MYCBP2: variants seen among roughly 807,000 people sequenced by gnomAD.
The protein encoded by MYCBP2 is E3 ubiquitin-protein ligase MYCBP2.
In MYCBP2, 120 loss-of-function variants were observed where a neutral mutation model predicts 525.3. The ratio of observed to expected loss-of-function variants is 0.23; its 90% CI spans 0.20 to 0.27. The LOEUF is 0.27. Among genes scored for constraint, MYCBP2 ranks in the 10% least tolerant of loss-of-function variants. The pLI, the probability that MYCBP2 is intolerant of heterozygous loss-of-function variation, is 1.00. For synonymous variants in MYCBP2, 1,894 were observed against 1,955.8 expected, an observed-to-expected ratio of 0.97 and a Z score of 0.83; for missense variants, 4,149 against 5,657.1, an observed-to-expected ratio of 0.73 and a Z score of 8.55.
At chr13:77,283,640 T>C (rs2076426058) in intron 3 of MYCBP2, among the ~76,000 whole-genome samples, 1 of 152,164 alleles carries the variant, frequency 6.6e-6, no homozygotes, top group South Asian at 2.1e-4. Context: ...CTCCTGCCTG[T>C]AATCCCAGTA....
chr13:77,116,673 T>A (rs2049838614), intron 55 of MYCBP2, among the ~76,000 whole-genome samples: 1 of 152,000 alleles, frequency 6.6e-6, no homozygotes, highest in South Asian at 2.1e-4. Flanking sequence ...AAGCCATGAT[T>A]TCAAATTTGC....
At chr13:77,087,724 CAAAG>C in intron 61 of MYCBP2, 91 bp from the exon 62 acceptor site, 1 of 1,070,948 alleles carries the variant, frequency 9.3e-7, no homozygotes, top group South Asian at 1.9e-5. Flanking sequence ...ATTAAGACTT[CAAAG>C]AAAGATACTA....
chr13:77,273,239 C>A (rs1365222100), intron 5 of MYCBP2, among the ~76,000 whole-genome samples: 1 of 152,128 alleles, frequency 6.6e-6, no homozygotes, highest in African/African-American at 2.4e-5. Flanking sequence ...AAGGCAAAGA[C>A]CAGCTTAAAG....
intron 26 of MYCBP2, among the ~76,000 whole-genome samples, chr13:77,198,013 G>A (rs1039835192): frequency 1.3e-4 from 19 of 151,858 alleles, no homozygotes; most frequent in African/African-American, 4.1e-4. Context: ...TCACTATTCC[G>A]AAAAGAAAAA....
At chr13:77,250,023 A>G (rs1166451577) in intron 15 of MYCBP2, among the ~76,000 whole-genome samples, 1 of 152,014 alleles carries the variant, frequency 6.6e-6, no homozygotes, top group Non-Finnish European at 1.5e-5. Flanking sequence ...GGAGATCGAG[A>G]CCATCCCGGC....
chr13:77,206,537 CATT>C, intron 24 of MYCBP2, 113 bp downstream of exon 24: 2 of 993,564 alleles, frequency 2.0e-6, no homozygotes, highest in Non-Finnish European at 2.8e-6. Context: ...TTATTTTGTA[CATT>C]ATTATTATTT....
intron 18 of MYCBP2, among the ~76,000 whole-genome samples, chr13:77,230,953 G>A (rs935259113): frequency 1.3e-5 from 2 of 152,152 alleles, no homozygotes; most frequent in Non-Finnish European, 2.9e-5. Context: ...TCAACATGTC[G>A]TAAAAGTAAA....
rs2075894473 is a variant in MYCBP2, at chr13:77,278,819, C to T, written c.687G>A (p.Leu229=). Residue 229 remains leucine, a synonymous_variant, in exon 4 of 83, where the codon CTG becomes CTA. Coordinates refer to ENST00000544440, the MANE Select transcript of MYCBP2 (RefSeq NM_015057.5). The part of the protein sequence containing the change: ...PSLCLRSLQA[L]LNVLQGQQPE... ...GCTGCTGGCCCTGCAGCACGTTGAG[C>T]AGGGCTTGGAGACTCCTGAGACACA... 1.3e-6 allele frequency: 2 copies of T among 1,599,286 alleles called. No homozygotes were observed. Among genetic ancestry groups the T allele is most frequent in the Non-Finnish European group, 8.5e-7 (1 of 1,173,108 alleles).
At chr13:77,065,933 C>G in intron 72 of MYCBP2, 59 bp downstream of exon 72, 1 of 1,228,894 alleles carries the variant, frequency 8.1e-7, no homozygotes, top group Non-Finnish European at 1.2e-6. Context: ...GCAGAGTAAG[C>G]TGTTTTGTGT....
chr13:77,186,475 TAG>T (rs1229104722), intron 30 of MYCBP2, among the ~76,000 whole-genome samples: 5 of 152,154 alleles, frequency 3.3e-5, no homozygotes, highest in Non-Finnish European at 5.9e-5. Flanking sequence ...AAAAATAAAA[TAG>T]AGTTTTAGTG....
chr13:77,056,102 GTGTGTGT>G (rs1566301713), intron 79 of MYCBP2, among the ~76,000 whole-genome samples: 606 of 50,984 alleles, frequency 0.012, 4 homozygotes, highest in African/African-American at 0.032. Flanking sequence ...TGTGTTTGGT[GTGTGTGT>G]GTGTGTGTGT....
At chr13:77,147,306 A>T (rs1047935349) in intron 47 of MYCBP2, among the ~76,000 whole-genome samples, 1 of 152,092 alleles carries the variant, frequency 6.6e-6, no homozygotes, top group Non-Finnish European at 1.5e-5. Context: ...GCAGGCTTCA[A>T]TTGTACCTGT....
intron 51 of MYCBP2, 61 bp downstream of exon 51, chr13:77,139,986 T>A (rs879093213): frequency 9.1e-7 from 1 of 1,100,140 alleles, no homozygotes; most frequent in Non-Finnish European, 1.3e-6. Context: ...CTTATTATTA[T>A]GCAAACAATG....
chr13:77,214,468 G>A (rs1297798968), intron 21 of MYCBP2, among the ~76,000 whole-genome samples: 2 of 151,974 alleles, frequency 1.3e-5, no homozygotes, highest in East Asian at 1.9e-4. Flanking sequence ...AAAATGAAGA[G>A]CTTTATGAAT....
chr13:77,049,762 A>T (rs1282459755), intron 82 of MYCBP2, among the ~76,000 whole-genome samples: 3 of 152,000 alleles, frequency 2.0e-5, no homozygotes, highest in African/African-American at 7.3e-5. Flanking sequence ...CAGCCTCGTG[A>T]GTAGCTCGGA....
chr13:77,189,123 T>A (rs2061045445), intron 29 of MYCBP2, 76 bp from the exon 30 acceptor site: 1 of 981,950 alleles, frequency 1.0e-6, no homozygotes, highest in Non-Finnish European at 1.4e-6. Context: ...ATATTATACA[T>A]TTTTGAATGG....
intron 34 of MYCBP2, among the ~76,000 whole-genome samples, chr13:77,178,678 T>C (rs534150657): frequency 3.9e-5 from 6 of 152,182 alleles, no homozygotes; most frequent in Non-Finnish European, 8.8e-5. Context: ...ACTAAATAGA[T>C]ACAAAAATGG....
At chr13:77,306,120 G>A (rs2154372547) in intron 1 of MYCBP2, among the ~76,000 whole-genome samples, 1 of 152,164 alleles carries the variant, frequency 6.6e-6, no homozygotes, top group African/African-American at 2.4e-5. Flanking sequence ...TATATTTATA[G>A]AAAATACAAA....
chr13:77,162,630 A>T (rs1198688797), intron 43 of MYCBP2, among the ~76,000 whole-genome samples: 1 of 152,178 alleles, frequency 6.6e-6, no homozygotes, highest in African/African-American at 2.4e-5. Context: ...CCAAAAAGGT[A>T]TATGTGTTTC....
Sources: allele counts gnomAD v4.1 joint callset (sites outside exome capture counted in the v4.1 genomes callset), GRCh38; gene constraint gnomAD v4.1.1; transcripts MANE v1.5; gene names NCBI Gene and HGNC (gene_info 2026-07-23, HGNC 2026-07-21).